Variants in BCAS3 observed in about 807,000 individuals in gnomAD.
BCAS3 encodes BCAS4/BCAS3 fusion.
Under a neutral mutation model 116.1 loss-of-function variants are expected in BCAS3, and 53 were observed. The ratio of observed to expected loss-of-function variants is 0.46; its 90% CI spans 0.37 to 0.57. BCAS3 has a LOEUF of 0.57. Ranked by LOEUF, BCAS3 falls within the 20% of genes least tolerant of loss-of-function variation. The pLI is 0.00. For missense variants in BCAS3, 917 were observed against 1,165.4 expected, an observed-to-expected ratio of 0.79 and a Z score of 3.10; for synonymous variants, 391 against 408.2, an observed-to-expected ratio of 0.96 and a Z score of 0.51.
At chr17:60,765,687 A>G (rs974881126) in intron 6 of BCAS3, among the ~76,000 whole-genome samples, 1 of 152,014 alleles carries the variant, frequency 6.6e-6, no homozygotes, top group African/African-American at 2.4e-5. Flanking sequence ...GCTCTTCTTG[A>G]GGAGTATCTT....
intron 4 of BCAS3, among the ~76,000 whole-genome samples, chr17:60,690,391 G>A (rs140942328): frequency 5.5e-4 from 83 of 152,038 alleles, no homozygotes; most frequent in African/African-American, 1.8e-3. Flanking sequence ...GCAACATAGC[G>A]CGACCTTGTC....
In BCAS3 at chr17:61,060,337, G is replaced by A. The variant is rs187068664; in HGVS notation, c.2030-14583G>A. On this transcript the variant is annotated intron_variant, in intron 19 of 23. Coordinates refer to ENST00000407086, the MANE Select transcript of BCAS3 (RefSeq NM_017679.5). ...TTTTTAGTAGAGACGGGGTTTCACC[G>A]TGTTAGCCAGTATGGTCTCGATCTC... 5.9e-3 allele frequency among the ~76,000 whole-genome samples: 882 copies of A among 150,048 alleles called. 7 individuals are homozygous for A. Among genetic ancestry groups the A allele is most frequent in the African/African-American group, 0.02 (808 of 40,808 alleles).
chr17:61,014,580 T>TAAATC (rs2065318172), intron 15 of BCAS3, among the ~76,000 whole-genome samples: 1 of 151,314 alleles, frequency 6.6e-6, no homozygotes. Flanking sequence ...GAACTAAAAA[T>TAAATC]AAATCACAGT....
rs981121985 is a variant in BCAS3 at position 60,702,383 on chromosome 17, C to G, written c.215-6836C>G. ...ATTTTGCATCATGTTAATTGTAAAA[C>G]TATAAACCTTGAATACCACGATGGG... On this transcript the variant is annotated intron_variant, in intron 4 of 23. Transcript: ENST00000407086. Among the ~76,000 whole-genome samples, 43 of 152,152 alleles carry G rather than the reference C, an allele frequency of 2.8e-4. 1 individual carries two copies. Among genetic ancestry groups the G allele is most frequent in the Non-Finnish European group, 3.1e-4 (21 of 68,032 alleles).
chr17:61,385,373 A>G (rs1008229362), intron 23 of BCAS3, among the ~76,000 whole-genome samples: 2 of 152,350 alleles, frequency 1.3e-5, no homozygotes, highest in African/African-American at 4.8e-5. Flanking sequence ...GCAGGACATA[A>G]GGGCCCTGGG....
intron 6 of BCAS3, among the ~76,000 whole-genome samples, chr17:60,753,238 A>G (rs2042654657): frequency 1.3e-5 from 2 of 151,984 alleles, no homozygotes; most frequent in African/African-American, 4.8e-5. Flanking sequence ...ATTCTTTCTC[A>G]TTGATTTGAG....
chr17:61,010,053 G>C (rs1477872579), intron 15 of BCAS3, among the ~76,000 whole-genome samples: 9 of 145,752 alleles, frequency 6.2e-5, no homozygotes, highest in Non-Finnish European at 1.4e-4. Flanking sequence ...TTTGTCCGGA[G>C]TTTTCAGACT....
At chr17:61,225,556 A>G (rs2082329019) in intron 22 of BCAS3, among the ~76,000 whole-genome samples, 1 of 152,174 alleles carries the variant, frequency 6.6e-6, no homozygotes, top group Admixed American at 6.5e-5. Context: ...GTGAGGGACA[A>G]AGAAGAAGGA....
rs1032359448 is a variant in BCAS3 at position 61,133,311 on chromosome 17, T to C, written c.2425+48747T>C. 3.4e-4 allele frequency among the ~76,000 whole-genome samples: 52 copies of C among 152,206 alleles called. 1 individual carries two copies. Among genetic ancestry groups the C allele is most frequent in the Admixed American group, 6.5e-5 (1 of 15,288 alleles). ...ACTTTCACACATACTTTGTTTCTAT[T>C]GAGGTTGGGTCCATCTTGAAGATCA... On this transcript the variant is annotated intron_variant, in intron 22 of 23. Transcript: ENST00000407086.
At chr17:61,283,768 A>T (rs9894455) in intron 22 of BCAS3, among the ~76,000 whole-genome samples, 19,522 of 147,844 alleles carry the variant, frequency 0.13, 2,686 homozygotes, top group African/African-American at 0.35. Context: ...TTGATTTTTT[A>T]AAAAAAAATT....
chr17:61,089,561 G>A (rs1037545201), intron 22 of BCAS3, among the ~76,000 whole-genome samples: 6 of 104,644 alleles, frequency 5.7e-5, no homozygotes, highest in African/African-American at 2.4e-4. Flanking sequence ...ACGGAGTCTC[G>A]CTGTGTCACC....
Position 60,989,998 on chromosome 17 carries a change from T to TGTCGCTG in BCAS3, c.1251_1257dup (p.Val420SerfsTer51). ...ACAGGACATCTGCTTCAGCCATGAC[T>TGTCGCTG]GTCGCTGGGTTGTGGTCAGTACTCT... On this transcript the variant is annotated frameshift_variant, in exon 15 of 24. Coordinates refer to ENST00000407086, the MANE Select transcript of BCAS3 (RefSeq NM_017679.5). LOFTEE classifies it high-confidence loss of function. 6.2e-7 allele frequency: 1 copy of TGTCGCTG among 1,614,230 alleles called. No individual in the cohort carries two copies. The highest frequency in any genetic ancestry group is 8.5e-7 in the Non-Finnish European group (1 of 1,180,020).
chr17:61,150,104 C>T (rs2077463712), intron 22 of BCAS3, among the ~76,000 whole-genome samples: 1 of 152,116 alleles, frequency 6.6e-6, no homozygotes, highest in African/African-American at 2.4e-5. Context: ...TGAATAAAGT[C>T]CCAACTAAAC....
rs2079893956 is a variant in BCAS3, at chr17:61,188,223, TTTG to T, written c.2425+103668_2425+103670del. Among the ~76,000 whole-genome samples the T allele has an allele frequency of 6.6e-6, 1 of 152,172 alleles. No individual in the cohort carries two copies. The highest frequency in any genetic ancestry group is 2.1e-4 in the South Asian group (1 of 4,832). On this transcript the variant is annotated intron_variant, in intron 22 of 23. Transcript: ENST00000407086. The surrounding 1 kb of genome is among the most constrained non-coding windows in gnomAD (Gnocchi z 4.0). ...GTCTCCAACTCTTAAACTAGCAAGT[TTTG>T]TTGTTGTTTAACTTTAAGGATCTAT...
intron 6 of BCAS3, among the ~76,000 whole-genome samples, chr17:60,752,155 G>GGTGT (rs55713453): frequency 0.053 from 7,685 of 144,674 alleles, 284 homozygotes; most frequent in East Asian, 0.17. Context: ...TTGGCTGAAG[G>GGTGT]GTGTGTGTGT....
intron 14 of BCAS3, among the ~76,000 whole-genome samples, chr17:60,974,189 A>T (rs1293022929): frequency 6.6e-6 from 1 of 152,102 alleles, no homozygotes; most frequent in Non-Finnish European, 1.5e-5. Context: ...TAATCCCAAA[A>T]TGTTATCATT....
intron 13 of BCAS3, among the ~76,000 whole-genome samples, chr17:60,946,919 A>G (rs2060531294): frequency 1.3e-5 from 2 of 152,174 alleles, no homozygotes; most frequent in African/African-American, 4.8e-5. Context: ...TCAGGAAAAA[A>G]ATAAAATAAA....
chr17:61,315,720 C>T lies in BCAS3; in HGVS notation c.2426-52607C>T, dbSNP rs2054673863. ...TGACCCCCCGTTTCATGCCCCACGC[C>T]TTTGCTGGTACTGGTCCCTGAGATG... is the stretch of plus-strand genomic sequence containing the variant. On this transcript the variant is annotated intron_variant, in intron 22 of 23. Transcript: ENST00000407086. The surrounding 1 kb of genome is among the most constrained non-coding windows in gnomAD (Gnocchi z 5.3). 6.6e-6 allele frequency among the ~76,000 whole-genome samples: 1 copy of T among 152,152 alleles called. No homozygotes were observed. The highest frequency in any genetic ancestry group is 2.4e-5 in the African/African-American group (1 of 41,438).
intron 22 of BCAS3, among the ~76,000 whole-genome samples, chr17:61,111,622 A>G (rs2143739826): frequency 6.7e-6 from 1 of 149,604 alleles, no homozygotes; most frequent in East Asian, 2.0e-4. Flanking sequence ...GGTGTACCTG[A>G]AAGTGATGGG....
Sources: allele counts gnomAD v4.1 joint callset (sites outside exome capture counted in the v4.1 genomes callset), GRCh38; gene constraint gnomAD v4.1.1; non-coding constraint Gnocchi (gnomAD v3.1); transcripts MANE v1.5; gene names NCBI Gene and HGNC (gene_info 2026-07-23, HGNC 2026-07-21).